SYTL4: variants seen among roughly 807,000 people sequenced by gnomAD.
SYTL4 encodes the protein synaptotagmin like 4.
In SYTL4, 16 loss-of-function variants were observed where a neutral mutation model predicts 52.7. The observed-to-expected ratio is 0.30, with a 90% CI of 0.21 to 0.46. SYTL4 has a LOEUF of 0.46. SYTL4 is among the 20% of genes least tolerant of loss of function. The pLI is 1.00. For missense variants in SYTL4, 423 were observed against 519.9 expected (o/e 0.81, Z 1.81); for synonymous variants, 160 against 186.6 (o/e 0.86, Z 1.16).
Position 100,685,968 on chromosome X carries a change from A to G in SYTL4, c.1449+22T>C, listed in dbSNP as rs762538044. 10 of 1,178,157 alleles carry G rather than the reference A, an allele frequency of 8.5e-6. No individual in the cohort carries two copies. The African/African-American group carries it at 1.6e-4, about 19-fold the overall frequency. ...CAATTCTACCTCAGATCCAAACTGC[A>G]GGAGTTGTTAAAGCAGACTACCTTT... On this transcript the variant is annotated intron_variant, in intron 16 of 19. Coordinates refer to ENST00000372989, the MANE Select transcript of SYTL4 (RefSeq NM_001370165.1).
intron 8 of SYTL4, among the ~76,000 whole-genome samples, chrX:100,696,875 T>A (rs1266164620): frequency 1.4e-4 from 15 of 106,025 alleles, no homozygotes; most frequent in Non-Finnish European, 2.7e-4. Flanking sequence ...TTTGGGTGAG[T>A]GAAAGTTAGG....
At chrX:100,687,013 G>A in intron 14 of SYTL4, 54 bp downstream of exon 14, 1 of 1,154,254 alleles carries the variant, frequency 8.7e-7, no homozygotes, top group Non-Finnish European at 1.2e-6. Context: ...CCGGACAGAT[G>A]CCGGGGTCTG....
chrX:100,678,556 G>C lies in SYTL4; in HGVS notation c.1702C>G (p.Pro568Ala). Residue 568 changes from proline (P) to alanine (A), a missense_variant, in exon 19 of 20, where the codon CCT becomes GCT. Coordinates refer to ENST00000372989, the MANE Select transcript of SYTL4 (RefSeq NM_001370165.1). ...GGATTCAGGGTCTTCTTCATCACAG[G>C]AGTTTTACGTTTACTGGCCTTGTTC... ...MRNKASKRKTPVMKKTLNPHY... is the reference protein window; with the variant it reads ...MRNKASKRKTAVMKKTLNPHY... The C allele has an allele frequency of 8.3e-7, 1 of 1,209,599 alleles. No individual in the cohort carries two copies. The highest frequency in any genetic ancestry group is 3.0e-5 in the East Asian group (1 of 33,747).
At position 100,689,851 on chromosome X, in the gene SYTL4, C is replaced by G; in HGVS notation, c.912+5G>C. On this transcript the variant is annotated splice_donor_5th_base_variant and intron_variant, in intron 12 of 19. Transcript: ENST00000372989. ...AGTGACCAAGTAAAATATAAGGGCA[C>G]CTACCATATCCACATTGAGGCCTGG... is the stretch of plus-strand genomic sequence containing the variant. 8.5e-7 allele frequency: 1 copy of G among 1,175,444 alleles called. No homozygotes were observed. The highest frequency in any genetic ancestry group is 1.2e-6 in the Non-Finnish European group (1 of 867,107).
chrX:100,682,417 G>A (rs2083391697), intron 16 of SYTL4, among the ~76,000 whole-genome samples: 1 of 109,006 alleles, frequency 9.2e-6, no homozygotes, highest in Non-Finnish European at 1.9e-5. Flanking sequence ...AAAAAAAAAA[G>A]AGGGCTTTCA....
intron 2 of SYTL4, among the ~76,000 whole-genome samples, chrX:100,712,332 G>A (rs2084089596): frequency 8.9e-6 from 1 of 112,271 alleles, no homozygotes; most frequent in South Asian, 3.7e-4. Flanking sequence ...AAAACATATG[G>A]TAGAACAAAG....
At chrX:100,709,907 A>AT (rs1313848404) in intron 2 of SYTL4, among the ~76,000 whole-genome samples, 1 of 111,645 alleles carries the variant, frequency 9.0e-6, no homozygotes, top group East Asian at 2.8e-4. Flanking sequence ...TGTTCTTTAA[A>AT]TTTTTTTATT....
chrX:100,701,872 G>T (rs2083861116), intron 5 of SYTL4, 56 bp downstream of exon 5: 2 of 976,835 alleles, frequency 2.0e-6, no homozygotes, highest in South Asian at 2.1e-5. Flanking sequence ...ATAAGGAAAA[G>T]CCCAGACATC....
intron 16 of SYTL4, chrX:100,684,694 CTTTTTTTTTTT>C (rs779207059): frequency 1.1e-5 from 1 of 94,953 alleles, no homozygotes; most frequent in African/African-American, 3.8e-5. Flanking sequence ...TTCTTTCTTT[CTTTTTTTTTTT>C]TTTTTTTTTG....
Position 100,709,202 on chromosome X carries a change from T to C in SYTL4, c.-239-4316A>G, listed in dbSNP as rs147723233. Reference sequence around the variant, plus strand: ...CAGTGTGTGAGCTGTGGTTAAAAGCTTGGACTCTGGGCCAGGTGGGTGGCT... The same window carrying C: ...CAGTGTGTGAGCTGTGGTTAAAAGCCTGGACTCTGGGCCAGGTGGGTGGCT... On this transcript the variant is annotated intron_variant, in intron 2 of 19. Transcript: ENST00000372989. 6.2e-3 allele frequency among the ~76,000 whole-genome samples: 686 copies of C among 111,195 alleles called. 5 individuals carry two copies. Among genetic ancestry groups the C allele is most frequent in the African/African-American group, 0.021 (634 of 30,598 alleles).
chrX:100,715,271 C>T (rs1325935868), intron 2 of SYTL4, among the ~76,000 whole-genome samples: 1 of 112,081 alleles, frequency 8.9e-6, no homozygotes, highest in East Asian at 2.8e-4. Context: ...GATCCTCCTG[C>T]CTCGGCCTCC....
chrX:100,725,776 T>C (rs908826554), intron 2 of SYTL4, among the ~76,000 whole-genome samples: 3 of 111,560 alleles, frequency 2.7e-5, no homozygotes, highest in Non-Finnish European at 3.8e-5. Context: ...ATCCTGACTG[T>C]AGGCTCTCAG....
chrX:100,706,671 A>AT (rs2147779201), intron 2 of SYTL4, among the ~76,000 whole-genome samples: 1 of 112,644 alleles, frequency 8.9e-6, no homozygotes, highest in Admixed American at 9.4e-5. Flanking sequence ...AAACTCATAT[A>AT]TGAGCAAAAT....
chrX:100,702,172 A>G, intron 4 of SYTL4, 65 bp from the exon 5 acceptor site: 2 of 449,504 alleles, frequency 4.4e-6, no homozygotes, highest in Non-Finnish European at 7.6e-6. Context: ...ACAGCCCTAA[A>G]CCCTTTCAAT....
In SYTL4 at chrX:100,707,058, C is replaced by G. The variant is rs1329652827; in HGVS notation, c.-239-2172G>C. The stretch of plus-strand genomic sequence containing the variant: ...CAATTATGAATGGTACAAGCAGATA[C>G]AAACTAGTAAATATATAGACAAGTT... On this transcript the variant is annotated intron_variant, in intron 2 of 19. Transcript: ENST00000372989. 6.3e-5 allele frequency among the ~76,000 whole-genome samples: 7 copies of G among 110,919 alleles called. No homozygotes were observed. In the Admixed American group the frequency reaches 6.7e-4, roughly 11 times the overall value.
chrX:100,720,694 T>C (rs903052448), intron 2 of SYTL4, among the ~76,000 whole-genome samples: 9 of 112,649 alleles, frequency 8.0e-5, no homozygotes, highest in Non-Finnish European at 1.5e-4. Flanking sequence ...GGTTTCTTTT[T>C]AATTTTAGGG....
chrX:100,724,032 C>T (rs1367140193), intron 2 of SYTL4, among the ~76,000 whole-genome samples: 1 of 99,837 alleles, frequency 1.0e-5, no homozygotes, highest in Admixed American at 1.0e-4. Context: ...GTCAGCCCCC[C>T]GCCCAGCCAG....
At position 100,682,567 on chromosome X, in the gene SYTL4, C is replaced by T. The variant is rs149166116; in HGVS notation, c.1450-1232G>A. 1.9e-3 allele frequency among the ~76,000 whole-genome samples: 205 copies of T among 109,828 alleles called. 1 individual carries two copies. The Middle Eastern group carries it at 0.051, about 27-fold the overall frequency. ...AACAAAAAACACAGAAATCAGCCGA[C>T]GGGGTGGTGTGGGCCTATAATCCCA... On this transcript the variant is annotated intron_variant, in intron 16 of 19. Transcript: ENST00000372989.
rs1569401333 is a variant in SYTL4, at chrX:100,702,082, C to G, written c.-45G>C. 1.0e-6 allele frequency: 1 copy of G among 997,825 alleles called. No individual in the cohort carries two copies. The allele number at this position is 997,825 out of a possible 1,213,427, so 82.2% of individuals were successfully genotyped here. A position where few individuals can be genotyped will look rare whatever the true frequency, so the allele number is the denominator to read the frequency against. On this transcript the variant is annotated 5_prime_UTR_variant, in exon 5 of 20. Coordinates refer to ENST00000372989, the MANE Select transcript of SYTL4 (RefSeq NM_001370165.1). ...TCTACTCTTCTTTCTTCAAAACAAC[C>G]AGACAAGGAGAGCTACCAGAGTTGC...
Sources: gnomAD v4.1 joint callset for allele counts (sites outside exome capture counted in the v4.1 genomes callset) on GRCh38, gnomAD v4.1.1 for gene constraint, MANE v1.5 for transcripts, NCBI Gene and HGNC (gene_info 2026-07-23, HGNC 2026-07-21) for gene names.